The following SLC9C1 variants were observed in gnomAD, a reference collection of about 807,000 sequenced individuals.
The protein encoded by SLC9C1 is solute carrier family 9 member C1.
SLC9C1 carries 97 observed loss-of-function variants against 140.9 expected under a neutral mutation model. The ratio of observed to expected loss-of-function variants is 0.69; its 90% CI spans 0.58 to 0.82. The LOEUF (loss-of-function observed/expected upper bound fraction) is 0.82, where lower values mean the gene tolerates loss of function less well. Among genes scored for constraint, SLC9C1 ranks in the 40% least tolerant of loss-of-function variants. The pLI, the probability that SLC9C1 is intolerant of heterozygous loss-of-function variation, is 0.00. For synonymous variants in SLC9C1, 440 were observed against 442.6 expected (o/e 0.99, Z 0.07); for missense variants, 1,340 against 1,389.3 (o/e 0.96, Z 0.56).
chr3:112,246,402 T>G (rs1338847445), intron 10 of SLC9C1, among the ~76,000 whole-genome samples: 1 of 152,154 alleles, frequency 6.6e-6, no homozygotes, highest in Non-Finnish European at 1.5e-5. Context: ...CCAGACTTCT[T>G]GATAAAATGT....
At chr3:112,155,304 AT>A (rs2075098853) in intron 26 of SLC9C1, among the ~76,000 whole-genome samples, 1 of 152,216 alleles carries the variant, frequency 6.6e-6, no homozygotes, top group Non-Finnish European at 1.5e-5. Flanking sequence ...TCATTCCAAT[AT>A]CCCAAAATAC....
intron 20 of SLC9C1, chr3:112,185,749 G>T (rs2077524461): frequency 6.5e-7 from 1 of 1,541,000 alleles, no homozygotes; most frequent in East Asian, 2.4e-5. Context: ...CGGCCTGCCG[G>T]GCTGTCCTTC....
chr3:112,141,151 A>G lies in SLC9C1; in HGVS notation c.*121T>C. The G allele has an allele frequency of 9.3e-7, 1 of 1,072,248 alleles. No individual in the cohort carries two copies. Among genetic ancestry groups the G allele is most frequent in the Non-Finnish European group, 1.3e-6 (1 of 793,596 alleles). 66.4% of individuals were successfully genotyped at this position (1,072,248 alleles called of 1,614,324 possible). On this transcript the variant is annotated 3_prime_UTR_variant, in exon 29 of 29. Coordinates refer to ENST00000305815, the MANE Select transcript of SLC9C1 (RefSeq NM_183061.3). ...CAAATTTCTTTTCTGCTTAGCACCAAGATCATCCACACAGGATCCAACCTG... is the reference window on the plus strand; with the variant it reads ...CAAATTTCTTTTCTGCTTAGCACCAGGATCATCCACACAGGATCCAACCTG...
At chr3:112,162,141 A>G (rs1192589814) in intron 26 of SLC9C1, among the ~76,000 whole-genome samples, 1 of 152,138 alleles carries the variant, frequency 6.6e-6, no homozygotes, top group African/African-American at 2.4e-5. Context: ...ACTTTGCTGA[A>G]GTTGCTTATG....
chr3:112,276,723 C>T (rs563585506), intron 5 of SLC9C1, among the ~76,000 whole-genome samples: 8 of 151,706 alleles, frequency 5.3e-5, no homozygotes, highest in Non-Finnish European at 1.0e-4. Flanking sequence ...TCAAATATAG[C>T]GGAGAAAAGG....
chr3:112,186,188 A>G (rs896065035), intron 20 of SLC9C1, among the ~76,000 whole-genome samples: 1 of 152,064 alleles, frequency 6.6e-6, no homozygotes, highest in Non-Finnish European at 1.5e-5. Flanking sequence ...GTGGACTTTT[A>G]GTTCTCTTAA....
Position 112,239,846 on chromosome 3 carries a change from T to C in SLC9C1, c.1440A>G (p.Pro480=). The C allele has an allele frequency of 6.2e-7, 1 of 1,610,246 alleles. No homozygotes were observed. The highest frequency in any genetic ancestry group is 8.5e-7 in the Non-Finnish European group (1 of 1,178,726). The change falls in exon 12 of 29, where the codon CCA becomes CCG. Residue 480 remains proline, a synonymous_variant. Transcript: ENST00000305815. The part of the protein sequence containing the change: ...MIEKAITLEN[P]YMLNEEETTE... ...AAAGATATTACTTGCTTACCATGTA[T>C]GGGTTTTCAAGTGTAATTGCTTTCT...
intron 10 of SLC9C1, among the ~76,000 whole-genome samples, chr3:112,252,211 G>T (rs1205248625): frequency 6.6e-6 from 1 of 151,916 alleles, no homozygotes; most frequent in African/African-American, 2.4e-5. Flanking sequence ...GAGGTGACTA[G>T]GGACTGGAAA....
intron 10 of SLC9C1, among the ~76,000 whole-genome samples, chr3:112,245,015 T>C (rs2079240543): frequency 6.6e-6 from 1 of 152,232 alleles, no homozygotes. Context: ...TCTACTCATA[T>C]AACTCTCAAT....
In SLC9C1 at chr3:112,257,084, T is replaced by A. The variant is rs1288005877; in HGVS notation, c.1197+5840A>T. On this transcript the variant is annotated intron_variant, in intron 10 of 28. Transcript: ENST00000305815. ...CAAATGAATGGAAAATAATCCATGTTCATGGATAGGAAGAATCAATATCAT... is the reference window on the plus strand; with the variant it reads ...CAAATGAATGGAAAATAATCCATGTACATGGATAGGAAGAATCAATATCAT... 2.0e-5 allele frequency among the ~76,000 whole-genome samples: 3 copies of A among 152,284 alleles called. No homozygotes were observed. The South Asian group carries it at 6.2e-4, about 32-fold the overall frequency.
At chr3:112,168,385 C>T (rs2077181972) in intron 25 of SLC9C1, among the ~76,000 whole-genome samples, 2 of 150,196 alleles carry the variant, frequency 1.3e-5, no homozygotes, top group South Asian at 2.1e-4. Context: ...TCCTTCTTTA[C>T]ATGGCTCAGG....
chr3:112,203,681 G>T (rs1351685904), intron 17 of SLC9C1, among the ~76,000 whole-genome samples: 1 of 151,916 alleles, frequency 6.6e-6, no homozygotes, highest in Non-Finnish European at 1.5e-5. Context: ...TTGTGGAGGA[G>T]TGAGTTTCAT....
At chr3:112,258,509 C>T (rs1169535046) in intron 10 of SLC9C1, among the ~76,000 whole-genome samples, 5 of 152,042 alleles carry the variant, frequency 3.3e-5, no homozygotes, top group African/African-American at 1.2e-4. Flanking sequence ...TCTCAGCTCA[C>T]GGCAACCTCC....
intron 15 of SLC9C1, among the ~76,000 whole-genome samples, chr3:112,211,325 G>T (rs13096855): frequency 6.6e-6 from 1 of 151,980 alleles, no homozygotes; most frequent in South Asian, 2.1e-4. Context: ...CTGAGGTACC[G>T]GGTTCATCTC....
chr3:112,202,382 C>G lies in SLC9C1; in HGVS notation c.2190G>C (p.Leu730Phe). The G allele has an allele frequency of 1.3e-6, 2 of 1,599,102 alleles. No individual in the cohort carries two copies. The highest frequency in any genetic ancestry group is 1.7e-6 in the Non-Finnish European group (2 of 1,171,968). The change falls in exon 18 of 29, where the codon TTG becomes TTC. Residue 730 changes from leucine (L) to phenylalanine (F), a missense_variant. Leu to Phe is a conservative substitution (Grantham distance 22). Coordinates refer to ENST00000305815, the MANE Select transcript of SLC9C1 (RefSeq NM_183061.3). Reference sequence around the variant, plus strand: ...TCATTCTTTTATCTATTATTTGCAGCAACTTTGGTGCTATGAGCTGAATTA... The same window carrying G: ...TCATTCTTTTATCTATTATTTGCAGGAACTTTGGTGCTATGAGCTGAATTA... ...LRIFKLIAPK[L>F]LQIIDKRMSH...
At position 112,269,959 on chromosome 3, in the gene SLC9C1, A is replaced by G. The variant is rs775838308; in HGVS notation, c.732T>C (p.His244=). 9 of 1,595,470 alleles carry G rather than the reference A, an allele frequency of 5.6e-6. No homozygotes were observed. In the East Asian group the frequency reaches 1.8e-4, roughly 32 times the overall value. The stretch of plus-strand genomic sequence containing the variant: ...ACAGAATTGAAAAGATGAGACTTAT[A>G]TGATTGACATCATCACCAAAAACAG... ...MSTVFGDDVN[H]ISLIFSILYL... Residue 244 remains histidine, a synonymous_variant, in exon 7 of 29, where the codon CAT becomes CAC. Transcript: ENST00000305815.
chr3:112,267,301 G>A (rs537944675), intron 7 of SLC9C1, among the ~76,000 whole-genome samples: 1 of 152,122 alleles, frequency 6.6e-6, no homozygotes, highest in East Asian at 1.9e-4. Flanking sequence ...ACAGGGCCGG[G>A]CGTGGTGGCT....
rs149122829 is a variant in SLC9C1 at position 112,160,227 on chromosome 3, T to A, written c.3365-5178A>T. ...TAAATAAGTTATTTATTTATTTATTTTGTATTTATTTTTTATTTTTATTTA... is the reference window on the plus strand; with the variant it reads ...TAAATAAGTTATTTATTTATTTATTATGTATTTATTTTTTATTTTTATTTA... On this transcript the variant is annotated intron_variant, in intron 26 of 28. Coordinates refer to ENST00000305815, the MANE Select transcript of SLC9C1 (RefSeq NM_183061.3). Among the ~76,000 whole-genome samples the A allele has an allele frequency of 3.2e-3, 483 of 151,102 alleles. 7 individuals are homozygous for A. Among genetic ancestry groups the A allele is most frequent in the East Asian group, 2.7e-3 (14 of 5,184 alleles).
At chr3:112,157,376 A>G (rs886379133) in intron 26 of SLC9C1, among the ~76,000 whole-genome samples, 1 of 151,964 alleles carries the variant, frequency 6.6e-6, no homozygotes, top group South Asian at 2.1e-4. Flanking sequence ...CCATTGATCT[A>G]TGTGTCTGTT....
Sources: gnomAD v4.1 joint callset for allele counts (sites outside exome capture counted in the v4.1 genomes callset) on GRCh38, gnomAD v4.1.1 for gene constraint, MANE v1.5 for transcripts, NCBI Gene and HGNC (gene_info 2026-07-23, HGNC 2026-07-21) for gene names.